Variants in DMD observed in about 807,000 individuals in gnomAD.
The protein encoded by DMD is mutant dystrophin.
In DMD, 63 loss-of-function variants were observed where a neutral mutation model predicts 330.1. The ratio of observed to expected loss-of-function variants is 0.19; its 90% CI spans 0.16 to 0.24. DMD has a LOEUF of 0.24. Among genes scored for constraint, DMD ranks in the 10% least tolerant of loss-of-function variants. The pLI, the probability that DMD is intolerant of heterozygous loss-of-function variation, is 1.00. For missense variants in DMD, 3,344 were observed against 2,684.1 expected (o/e 1.25, Z -5.43); for synonymous variants, 1,223 against 959.8 (o/e 1.27, Z -5.07).
At chrX:31,479,278 A>T in intron 57 of DMD, among the ~76,000 whole-genome samples, 175 bp from the exon 58 acceptor site, 1 of 111,927 alleles carries the variant, frequency 8.9e-6, no homozygotes, top group South Asian at 3.7e-4. Flanking sequence ...CTATCTGTTA[A>T]TGAGGAAAGC....
chrX:32,361,822 G>GT (rs916196121), intron 37 of DMD, among the ~76,000 whole-genome samples: 5 of 110,248 alleles, frequency 4.5e-5, no homozygotes, highest in African/African-American at 1.3e-4. Flanking sequence ...ATACTCCAAT[G>GT]TTTTTTTCAT....
At chrX:32,477,837 A>G (rs971915595) in intron 21 of DMD, among the ~76,000 whole-genome samples, 6 of 111,321 alleles carry the variant, frequency 5.4e-5, no homozygotes, top group Admixed American at 9.6e-5. Flanking sequence ...GCCAACCAAT[A>G]AGGTAGCAAC....
At chrX:31,477,146 G>C (rs750448125) in intron 59 of DMD, among the ~76,000 whole-genome samples, 2 of 112,135 alleles carry the variant, frequency 1.8e-5, no homozygotes, top group South Asian at 3.8e-4. Flanking sequence ...ATGCGGACTA[G>C]AGATGTAGAT....
At chrX:31,829,465 T>TAAAA (rs1569459983) in intron 49 of DMD, among the ~76,000 whole-genome samples, 12 of 87,875 alleles carry the variant, frequency 1.4e-4, no homozygotes, top group African/African-American at 4.7e-4. Flanking sequence ...AAAAAAAATT[T>TAAAA]TTTAATTAAG....
At chrX:33,200,911 T>C (rs186136677) in intron 1 of DMD, among the ~76,000 whole-genome samples, 193 of 100,342 alleles carry the variant, frequency 1.9e-3, no homozygotes, top group African/African-American at 6.6e-3. Context: ...GAAACGCACA[T>C]GATAATCAAT....
At chrX:32,745,427 C>A (rs1006191668) in intron 7 of DMD, among the ~76,000 whole-genome samples, 1 of 111,968 alleles carries the variant, frequency 8.9e-6, no homozygotes, top group African/African-American at 3.2e-5. Flanking sequence ...TTTTGAAATA[C>A]CTTAAAGCAC....
At position 31,526,957 on chromosome X, in the gene DMD, A is replaced by G. The variant is rs756398580; in HGVS notation, c.8218-19504T>C. ...AAACTCTGTTTCTACAGAAAATACA[A>G]AAAGTAGCGGGGTGTGGTGGCACGT... On this transcript the variant is annotated intron_variant, in intron 55 of 78. Transcript: ENST00000357033. Among the ~76,000 whole-genome samples the G allele has an allele frequency of 4.5e-5, 5 of 111,607 alleles. No homozygotes were observed. In the South Asian group the frequency reaches 1.9e-3, roughly 43 times the overall value.
intron 7 of DMD, among the ~76,000 whole-genome samples, chrX:32,758,987 A>C (rs1469963318): frequency 1.8e-5 from 2 of 112,078 alleles, no homozygotes; most frequent in Admixed American, 1.9e-4. Flanking sequence ...ATTTCGAAAC[A>C]TGCTCTCACA....
At chrX:32,462,064 T>C (rs1385150060) in intron 25 of DMD, among the ~76,000 whole-genome samples, 1 of 111,120 alleles carries the variant, frequency 9.0e-6, no homozygotes, top group Non-Finnish European at 1.9e-5. Flanking sequence ...CAACTGCCTC[T>C]AACACGTAAA....
chrX:31,136,217 T>G (rs1224788925), intron 76 of DMD, among the ~76,000 whole-genome samples: 1 of 111,120 alleles, frequency 9.0e-6, no homozygotes, highest in Admixed American at 9.6e-5. Flanking sequence ...TGCTGAAGAA[T>G]TAAGGTCACA....
At chrX:31,819,039 A>C (rs187810788) in intron 50 of DMD, among the ~76,000 whole-genome samples, 385 of 111,343 alleles carry the variant, frequency 3.5e-3, no homozygotes, top group South Asian at 0.018. Flanking sequence ...AAGGCAAAAA[A>C]AAAAACAAAA....
intron 1 of DMD, among the ~76,000 whole-genome samples, chrX:33,287,294 C>T (rs1242395604): frequency 1.8e-5 from 2 of 110,108 alleles, no homozygotes; most frequent in Admixed American, 2.0e-4. Context: ...ATTGTTTGTT[C>T]GGGGGAGGCC....
At chrX:32,388,310 T>C (rs2097974115) in intron 32 of DMD, among the ~76,000 whole-genome samples, 1 of 104,790 alleles carries the variant, frequency 9.5e-6, no homozygotes, top group Non-Finnish European at 1.9e-5. Context: ...ATATTAGTCA[T>C]GAATAAGGCA....
At chrX:32,688,687 A>G (rs761206364) in intron 9 of DMD, among the ~76,000 whole-genome samples, 1 of 111,671 alleles carries the variant, frequency 9.0e-6, no homozygotes, top group South Asian at 3.7e-4. Context: ...GAGAGAAAAT[A>G]GCATATGCAG....
At chrX:32,234,604 T>A (rs748687883) in intron 43 of DMD, among the ~76,000 whole-genome samples, 6 of 112,062 alleles carry the variant, frequency 5.4e-5, no homozygotes, top group Admixed American at 4.7e-4. Context: ...TATCTATATA[T>A]CTAGATTCCA....
intron 2 of DMD, among the ~76,000 whole-genome samples, chrX:32,988,013 C>T (rs2092888869): frequency 9.1e-6 from 1 of 109,860 alleles, no homozygotes; most frequent in Non-Finnish European, 1.9e-5. Context: ...TCACACACAG[C>T]ATGTCTCATA....
intron 53 of DMD, among the ~76,000 whole-genome samples, chrX:31,678,343 C>T (rs757906434): frequency 9.0e-6 from 1 of 111,391 alleles, no homozygotes; most frequent in South Asian, 3.7e-4. Flanking sequence ...GATCAAGTGC[C>T]CAATCTGATC....
chrX:32,859,461 TCACACACACACACA>T (rs35537635), intron 2 of DMD, among the ~76,000 whole-genome samples: 4,567 of 86,000 alleles, frequency 0.053, 112 homozygotes, highest in South Asian at 0.085. Flanking sequence ...AAGCAAGATC[TCACACACACACACA>T]CACACACACA....
At chrX:32,272,538 T>G (rs1443428988) in intron 43 of DMD, among the ~76,000 whole-genome samples, 1 of 112,316 alleles carries the variant, frequency 8.9e-6, no homozygotes, top group Non-Finnish European at 1.9e-5. Context: ...ACATAATCCT[T>G]GAGCATAAGA....
Sources: gnomAD v4.1 joint callset for allele counts (sites outside exome capture counted in the v4.1 genomes callset) on GRCh38, gnomAD v4.1.1 for gene constraint, MANE v1.5 for transcripts, NCBI Gene and HGNC (gene_info 2026-07-23, HGNC 2026-07-21) for gene names.